Variants in SLC9A9 observed in about 807,000 individuals in gnomAD.
The protein encoded by SLC9A9 is solute carrier family 9 member A9.
In SLC9A9, 62 loss-of-function variants were observed where a neutral mutation model predicts 77.8. The ratio of observed to expected loss-of-function variants is 0.80; its 90% confidence interval spans 0.65 to 0.98. The LOEUF (loss-of-function observed/expected upper bound fraction) is 0.98. Ranked by LOEUF, SLC9A9 falls within the 50% of genes least tolerant of loss-of-function variation. The probability of loss-of-function intolerance (pLI) is 0.00; values close to 1 mark genes in which losing one functional copy is unlikely to be tolerated. For synonymous variants in SLC9A9, 320 were observed against 283.5 expected, an observed-to-expected ratio of 1.13 and a Z score of -1.29; for missense variants, 775 against 774.9, an observed-to-expected ratio of 1.00 and a Z score of 0.00.
chr3:143,773,883 G>A (rs550829393), intron 4 of SLC9A9, among the ~76,000 whole-genome samples: 1 of 152,304 alleles, frequency 6.6e-6, no homozygotes, highest in African/African-American at 2.4e-5. Flanking sequence ...TCCAGTGTGA[G>A]GTTCATTGCA....
At chr3:143,777,605 A>G (rs1450528979) in intron 4 of SLC9A9, among the ~76,000 whole-genome samples, 1 of 152,152 alleles carries the variant, frequency 6.6e-6, no homozygotes, top group Non-Finnish European at 1.5e-5. Flanking sequence ...CTACCATGAG[A>G]AAATCTTTGA....
At chr3:143,437,956 G>T (rs1029989087) in intron 12 of SLC9A9, among the ~76,000 whole-genome samples, 3 of 152,298 alleles carry the variant, frequency 2.0e-5, no homozygotes, top group African/African-American at 7.2e-5. Flanking sequence ...GAGGGGAGTT[G>T]TTAGCTTGGC....
At chr3:143,552,578 T>C (rs953148905) in intron 8 of SLC9A9, 128 bp from the exon 9 acceptor site, 5 of 721,406 alleles carry the variant, frequency 6.9e-6, no homozygotes, top group Non-Finnish European at 9.7e-6. Context: ...GTTACCATGA[T>C]AATGCAACCT....
At chr3:143,368,500 C>T (rs891109098) in intron 13 of SLC9A9, among the ~76,000 whole-genome samples, 2 of 152,122 alleles carry the variant, frequency 1.3e-5, no homozygotes, top group Non-Finnish European at 2.9e-5. Context: ...GGGATTGCTC[C>T]TCATTTCAGG....
intron 6 of SLC9A9, among the ~76,000 whole-genome samples, chr3:143,625,845 A>G (rs1022834155): frequency 6.6e-6 from 1 of 152,254 alleles, no homozygotes; most frequent in African/African-American, 2.4e-5. Context: ...AGAATGGGAG[A>G]AAATTTTTCC....
At chr3:143,622,468 G>A (rs1164159721) in intron 6 of SLC9A9, among the ~76,000 whole-genome samples, 5 of 152,134 alleles carry the variant, frequency 3.3e-5, no homozygotes, top group African/African-American at 1.2e-4. Context: ...ATTCAACATT[G>A]TTAAGGAAAA....
chr3:143,296,046 TC>T (rs1457658610), intron 14 of SLC9A9, among the ~76,000 whole-genome samples: 2 of 152,218 alleles, frequency 1.3e-5, no homozygotes, highest in African/African-American at 4.8e-5. Flanking sequence ...ATAACTTTTT[TC>T]TTGAATTAAT....
chr3:143,838,670 G>A (rs529322243), intron 1 of SLC9A9, among the ~76,000 whole-genome samples: 2 of 152,296 alleles, frequency 1.3e-5, no homozygotes, highest in South Asian at 4.2e-4. Context: ...AACGTTCAAG[G>A]AAGAATGTTC....
chr3:143,342,962 C>T (rs1401732449), intron 14 of SLC9A9, among the ~76,000 whole-genome samples: 1 of 152,150 alleles, frequency 6.6e-6, no homozygotes, highest in Non-Finnish European at 1.5e-5. Flanking sequence ...GATATAATCC[C>T]CAAATGCTAG....
intron 4 of SLC9A9, among the ~76,000 whole-genome samples, chr3:143,694,053 T>C (rs1465168850): frequency 1.3e-5 from 2 of 152,080 alleles, no homozygotes; most frequent in Admixed American, 1.3e-4. Flanking sequence ...AAGATCCTAG[T>C]AGAGGAAATA....
chr3:143,285,860 G>A (rs1938366452), intron 14 of SLC9A9, among the ~76,000 whole-genome samples: 1 of 152,172 alleles, frequency 6.6e-6, no homozygotes, highest in South Asian at 2.1e-4. Flanking sequence ...GAAAAAGAAG[G>A]GGAGAGGACC....
intron 12 of SLC9A9, among the ~76,000 whole-genome samples, chr3:143,449,630 AAATATAATTATAT>A (rs1272982374): frequency 3.1e-4 from 5 of 15,890 alleles, no homozygotes; most frequent in African/African-American, 2.5e-4. Context: ...TAATTATATA[AAATATAATTATAT>A]AATATAATTA....
intron 14 of SLC9A9, among the ~76,000 whole-genome samples, chr3:143,288,340 G>C (rs555952760): frequency 6.6e-6 from 1 of 152,092 alleles, no homozygotes; most frequent in South Asian, 2.1e-4. Context: ...GGACTGCTAA[G>C]TATAAATACG....
chr3:143,457,087 T>C (rs2035107499), intron 12 of SLC9A9, among the ~76,000 whole-genome samples: 1 of 152,140 alleles, frequency 6.6e-6, no homozygotes, highest in South Asian at 2.1e-4. Flanking sequence ...AGTGGTGTGA[T>C]CATGGCTCAC....
chr3:143,542,541 C>A (rs2036706727), intron 9 of SLC9A9, among the ~76,000 whole-genome samples: 1 of 152,102 alleles, frequency 6.6e-6, no homozygotes, highest in African/African-American at 2.4e-5. Context: ...AAATCAAAAA[C>A]CCACTGTAAT....
intron 14 of SLC9A9, among the ~76,000 whole-genome samples, chr3:143,283,861 T>C (rs952145357): frequency 1.3e-5 from 2 of 152,206 alleles, no homozygotes; most frequent in East Asian, 1.9e-4. Flanking sequence ...AATGGAAAGA[T>C]GTACTTTCTA....
At chr3:143,492,015 G>A (rs1364230317) in intron 11 of SLC9A9, among the ~76,000 whole-genome samples, 5 of 151,994 alleles carry the variant, frequency 3.3e-5, no homozygotes, top group African/African-American at 7.3e-5. Context: ...CCACTTGGCC[G>A]GGTGTGGTGG....
intron 5 of SLC9A9, among the ~76,000 whole-genome samples, chr3:143,662,965 G>A (rs1314628290): frequency 1.3e-5 from 2 of 152,150 alleles, no homozygotes; most frequent in African/African-American, 4.8e-5. Context: ...TTTGAGATCT[G>A]AGAACTGAAA....
intron 1 of SLC9A9, chr3:143,847,757 G>GT (rs1393293000): frequency 9.2e-6 from 2 of 216,654 alleles, no homozygotes; most frequent in South Asian, 7.9e-5. Context: ...TTGAAGTGAT[G>GT]TTTTTTCTAG....
Sources: allele counts gnomAD v4.1 joint callset (sites outside exome capture counted in the v4.1 genomes callset), GRCh38; gene constraint gnomAD v4.1.1; transcripts MANE v1.5; gene names NCBI Gene and HGNC (gene_info 2026-07-23, HGNC 2026-07-21).